Variants in TUT4 observed in about 807,000 individuals in gnomAD.
TUT4 encodes the protein terminal uridylyl transferase 4, also known as terminal uridylyltransferase 4.
In TUT4, 36 loss-of-function variants were observed where a neutral mutation model predicts 192.2. The ratio of observed to expected loss-of-function variants is 0.19; its 90% confidence interval spans 0.14 to 0.25. TUT4 has a LOEUF of 0.25. TUT4 is among the 10% of genes least tolerant of loss of function. The pLI is 1.00. For missense variants in TUT4, 1,493 were observed against 1,957.2 expected (o/e 0.76, Z 4.47); for synonymous variants, 618 against 666.0 (o/e 0.93, Z 1.11).
In TUT4 at chr1:52,517,237, G is replaced by A. The variant is rs534447077; in HGVS notation, c.719-1183C>T. 3.3e-5 allele frequency among the ~76,000 whole-genome samples: 5 copies of A among 152,264 alleles called. No individual in the cohort carries two copies. The South Asian group carries it at 8.3e-4, about 25-fold the overall frequency. On this transcript the variant is annotated intron_variant, in intron 2 of 29. Transcript: ENST00000257177. Reference sequence around the variant, plus strand: ...ATTCATGTATCTGTCCCCTACATTAGATGACGGATTTCTTGATGCTAATGA... The same window carrying A: ...ATTCATGTATCTGTCCCCTACATTAAATGACGGATTTCTTGATGCTAATGA...
At chr1:52,550,121 A>G (rs1275315896) in intron 1 of TUT4, among the ~76,000 whole-genome samples, 1 of 152,196 alleles carries the variant, frequency 6.6e-6, no homozygotes, top group Non-Finnish European at 1.5e-5. Context: ...AAGATTTAAA[A>G]AAGGAAAGAA....
intron 4 of TUT4, among the ~76,000 whole-genome samples, chr1:52,498,902 T>TTATA (rs60991652): frequency 8.6e-5 from 2 of 23,304 alleles, no homozygotes; most frequent in Non-Finnish European, 1.5e-4. Context: ...AAAAAAAAAA[T>TTATA]TATATATATA....
chr1:52,453,937 T>C (rs1450655663), intron 20 of TUT4, among the ~76,000 whole-genome samples: 2 of 152,142 alleles, frequency 1.3e-5, no homozygotes, highest in Admixed American at 1.3e-4. Flanking sequence ...ATACATGCAA[T>C]GAACAAGTGG....
In TUT4 at chr1:52,493,610, C is replaced by A; in HGVS notation, c.1318+1G>T. The A allele has an allele frequency of 6.8e-7, 1 of 1,478,518 alleles. No homozygotes were observed. 91.6% of individuals were successfully genotyped at this position (1,478,518 alleles called of 1,614,324 possible). A position where few individuals can be genotyped will look rare whatever the true frequency, so the allele number is the denominator to read the frequency against. On this transcript the variant is annotated splice_donor_variant, in intron 7 of 29. Transcript: ENST00000257177. LOFTEE classifies it high-confidence loss of function. ...AGAAAAGAAAAAGAAAAGAAACTCA[C>A]CATTTTTCTTTAAAATCCCAAGTAC...
At chr1:52,543,482 A>ATTT (rs60108324) in intron 1 of TUT4, among the ~76,000 whole-genome samples, 2 of 134,982 alleles carry the variant, frequency 1.5e-5, no homozygotes, top group African/African-American at 3.0e-5. Context: ...AAAAGACTTA[A>ATTT]TTTTTTTTTT....
intron 1 of TUT4, among the ~76,000 whole-genome samples, chr1:52,542,458 T>C (rs1049756254): frequency 1.3e-5 from 2 of 152,200 alleles, no homozygotes; most frequent in Non-Finnish European, 2.9e-5. Flanking sequence ...GATTTATTCC[T>C]GGAATGCAAG....
chr1:52,427,765 A>AT (rs1333415382), intron 28 of TUT4, among the ~76,000 whole-genome samples: 2 of 152,282 alleles, frequency 1.3e-5, no homozygotes, highest in Non-Finnish European at 2.9e-5. Context: ...AGCTAAGGCT[A>AT]TTAAGTAAAA....
At chr1:52,552,653 C>G (rs1451635935) in intron 1 of TUT4, among the ~76,000 whole-genome samples, 2 of 152,172 alleles carry the variant, frequency 1.3e-5, no homozygotes. Context: ...GCCCCAGCCA[C>G]AGTGTGGAGT....
intron 4 of TUT4, among the ~76,000 whole-genome samples, chr1:52,504,608 C>A (rs1675030025): frequency 6.6e-6 from 1 of 151,666 alleles, no homozygotes; most frequent in African/African-American, 2.4e-5. Flanking sequence ...TCAGTCTGGG[C>A]GATAGAGCAA....
Position 52,551,105 on chromosome 1 carries a change from C to A in TUT4, c.-94+1826G>T, listed in dbSNP as rs544004044. Among the ~76,000 whole-genome samples the A allele has an allele frequency of 3.4e-3, 514 of 152,234 alleles. 3 individuals carry two copies. Among genetic ancestry groups the A allele is most frequent in the Admixed American group, 3.9e-3 (60 of 15,288 alleles). The stretch of plus-strand genomic sequence containing the variant: ...CTAAAATTAAAATGTAGACACTGTA[C>A]TGTTCTAGCTCCAGCAACTAAAAAT... On this transcript the variant is annotated intron_variant, in intron 1 of 29. Transcript: ENST00000257177.
intron 28 of TUT4, among the ~76,000 whole-genome samples, chr1:52,426,650 A>T (rs1650051455): frequency 6.6e-6 from 1 of 152,244 alleles, no homozygotes; most frequent in Admixed American, 6.5e-5. Flanking sequence ...GTGAATTCAT[A>T]AAAGCCAAGT....
intron 7 of TUT4, among the ~76,000 whole-genome samples, chr1:52,492,210 C>T (rs924687438): frequency 1.3e-5 from 2 of 152,090 alleles, no homozygotes; most frequent in African/African-American, 2.4e-5. Context: ...ATATGATACA[C>T]TGTACCAAAC....
At chr1:52,522,460 G>GCATCTC (rs1680538688) in intron 2 of TUT4, among the ~76,000 whole-genome samples, 1 of 152,190 alleles carries the variant, frequency 6.6e-6, no homozygotes, top group South Asian at 2.1e-4. Context: ...ATAGGCAGCA[G>GCATCTC]CATCTCCACT....
At chr1:52,541,490 C>T (rs1181393732) in intron 1 of TUT4, among the ~76,000 whole-genome samples, 2 of 151,822 alleles carry the variant, frequency 1.3e-5, no homozygotes, top group African/African-American at 2.4e-5. Context: ...CAAGATCGCG[C>T]CATTGCGCTC....
At chr1:52,550,125 G>A (rs1051998290) in intron 1 of TUT4, among the ~76,000 whole-genome samples, 12 of 152,036 alleles carry the variant, frequency 7.9e-5, no homozygotes, top group African/African-American at 2.9e-4. Flanking sequence ...TTTAAAAAAG[G>A]AAAGAAAAAT....
intron 1 of TUT4, among the ~76,000 whole-genome samples, chr1:52,538,253 T>C (rs1685501680): frequency 6.6e-6 from 1 of 151,670 alleles, no homozygotes. Flanking sequence ...TAAAATAAAA[T>C]AATTAGACCT....
At chr1:52,441,615 A>G (rs1459027318) in intron 24 of TUT4, among the ~76,000 whole-genome samples, 1 of 151,964 alleles carries the variant, frequency 6.6e-6, no homozygotes, top group Admixed American at 6.6e-5. Flanking sequence ...TTTGAGTAAA[A>G]TAAGTAAATT....
At chr1:52,444,941 A>G (rs990527266) in intron 24 of TUT4, among the ~76,000 whole-genome samples, 1 of 120,892 alleles carries the variant, frequency 8.3e-6, no homozygotes, top group Non-Finnish European at 1.5e-5. Context: ...ATATGTATAT[A>G]CATGTATGTG....
chr1:52,458,818 T>C (rs960618452), intron 19 of TUT4, among the ~76,000 whole-genome samples: 3 of 152,234 alleles, frequency 2.0e-5, no homozygotes, highest in Non-Finnish European at 4.4e-5. Context: ...ACATTTTCTT[T>C]GAACCAGCAA....
Sources: gnomAD v4.1 joint callset for allele counts (sites outside exome capture counted in the v4.1 genomes callset) on GRCh38, gnomAD v4.1.1 for gene constraint, MANE v1.5 for transcripts, NCBI Gene and HGNC (gene_info 2026-07-23, HGNC 2026-07-21) for gene names.